The following BANK1 variants were observed in gnomAD, a reference collection of about 807,000 sequenced individuals.
The protein encoded by BANK1 is B-cell scaffold protein with ankyrin repeats.
In BANK1, 95 loss-of-function variants were observed where a neutral mutation model predicts 94.5. That is an observed-to-expected ratio of 1.00 (90% CI 0.85 to 1.19). BANK1 has a LOEUF of 1.19. Ranked by LOEUF, BANK1 falls within the 50% of genes most tolerant of loss-of-function variation. BANK1 has a pLI of 0.00. For synonymous variants in BANK1, 334 were observed against 308.4 expected, an observed-to-expected ratio of 1.08 and a Z score of -0.87; for missense variants, 987 against 932.2, an observed-to-expected ratio of 1.06 and a Z score of -0.77.
chr4:101,993,250 C>T (rs1380888770), intron 7 of BANK1, among the ~76,000 whole-genome samples: 3 of 152,118 alleles, frequency 2.0e-5, no homozygotes, highest in East Asian at 1.9e-4. Flanking sequence ...AAACAGGAGG[C>T]CTAAAACAGC....
intron 7 of BANK1, among the ~76,000 whole-genome samples, chr4:101,986,897 G>GTATATATA (rs1377407537): frequency 0.015 from 893 of 57,982 alleles, 46 homozygotes; most frequent in Middle Eastern, 0.02. Context: ...GTGTGTGTGT[G>GTATATATA]TGTATATATA....
chr4:102,032,765 A>G (rs1366867777), intron 10 of BANK1, among the ~76,000 whole-genome samples: 27 of 151,962 alleles, frequency 1.8e-4, no homozygotes, highest in Admixed American at 1.6e-3. Flanking sequence ...GGTACCTGTA[A>G]TGTCAGCTAC....
Position 102,074,168 on chromosome 4 carries a change from C to A in BANK1, c.*169C>A, listed in dbSNP as rs954347037. The A allele has an allele frequency of 6.3e-6, 1 of 159,500 alleles. No individual in the cohort carries two copies. Among genetic ancestry groups the A allele is most frequent in the Non-Finnish European group, 1.4e-5 (1 of 73,130 alleles). The allele number at this position is 159,500 out of a possible 1,614,324, so 9.9% of individuals were successfully genotyped here. On this transcript the variant is annotated 3_prime_UTR_variant, in exon 17 of 17. Transcript: ENST00000322953. ...ATTGGCAAAATTTATTCTCATTATA[C>A]CTGCTTCATATGGGTATATTACTAT... is the stretch of plus-strand genomic sequence containing the variant.
intron 5 of BANK1, among the ~76,000 whole-genome samples, chr4:101,885,105 A>G (rs767109429): frequency 5.9e-5 from 9 of 152,076 alleles, no homozygotes; most frequent in Non-Finnish European, 1.3e-4. Context: ...CTTAATAGAG[A>G]CGGGGTTTCG....
Position 101,968,766 on chromosome 4 carries a change from GA to G in BANK1, c.1206+50581del, listed in dbSNP as rs1414406233. On this transcript the variant is annotated intron_variant, in intron 7 of 16. Transcript: ENST00000322953. ...TCCCTCATGTATCATACAAATGTTA[GA>G]AAATTTCTTATGCAGGAGGTGGAGA... Among the ~76,000 whole-genome samples the G allele has an allele frequency of 2.0e-5, 3 of 152,064 alleles. No individual in the cohort carries two copies. The East Asian group carries it at 5.8e-4, about 29-fold the overall frequency.
intron 2 of BANK1, among the ~76,000 whole-genome samples, chr4:101,851,150 G>A (rs1727460360): frequency 6.6e-6 from 1 of 152,082 alleles, no homozygotes; most frequent in East Asian, 1.9e-4. Context: ...GAGTGCAAAG[G>A]AAAAGTTCTT....
chr4:101,863,811 T>A (rs976381898), intron 4 of BANK1, among the ~76,000 whole-genome samples: 6 of 152,144 alleles, frequency 3.9e-5, no homozygotes, highest in African/African-American at 1.2e-4. Flanking sequence ...ATGAATAAAA[T>A]TTTCTAACTA....
At chr4:102,037,593 A>G (rs143221383) in intron 10 of BANK1, among the ~76,000 whole-genome samples, 19 of 152,336 alleles carry the variant, frequency 1.2e-4, no homozygotes, top group African/African-American at 4.6e-4. Flanking sequence ...CTAACGGACC[A>G]GCAGCATTGT....
intron 7 of BANK1, among the ~76,000 whole-genome samples, chr4:101,929,089 G>A (rs1723257828): frequency 1.3e-5 from 2 of 151,550 alleles, no homozygotes; most frequent in Non-Finnish European, 3.0e-5. Flanking sequence ...TCCAATTTTG[G>A]CTTCTCCTTT....
chr4:101,925,968 C>T (rs753998081), intron 7 of BANK1, among the ~76,000 whole-genome samples: 10 of 151,622 alleles, frequency 6.6e-5, no homozygotes, highest in East Asian at 2.0e-4. Context: ...AATAAACACA[C>T]GGCATTGTCC....
intron 1 of BANK1, among the ~76,000 whole-genome samples, chr4:101,796,270 T>C (rs1257930609): frequency 1.3e-5 from 2 of 152,162 alleles, no homozygotes; most frequent in Admixed American, 6.5e-5. Context: ...TGAAATTGTT[T>C]ATAGTATCCT....
intron 4 of BANK1, among the ~76,000 whole-genome samples, chr4:101,869,577 C>G (rs1365037261): frequency 2.0e-5 from 3 of 151,820 alleles, no homozygotes; most frequent in South Asian, 2.1e-4. Context: ...ATAAGAAGTC[C>G]TTTAACAGCT....
At chr4:102,049,394 G>A (rs1029805479) in intron 11 of BANK1, among the ~76,000 whole-genome samples, 5 of 152,118 alleles carry the variant, frequency 3.3e-5, no homozygotes, top group African/African-American at 1.2e-4. Context: ...TGTACAGAAG[G>A]GCCTTTTCTA....
chr4:101,790,918 C>G lies in BANK1; in HGVS notation c.38C>G (p.Pro13Arg), dbSNP rs1342122250. Residue 13 changes from proline to arginine, a missense_variant, in exon 1 of 17, where the codon CCG (proline) becomes CGG (arginine). Transcript: ENST00000322953. ...PAAPGKGLGSPDPAPCGPAPP... is the reference protein window; with the variant it reads ...PAAPGKGLGSRDPAPCGPAPP... The stretch of plus-strand genomic sequence containing the variant: ...GCGCCAGGCAAGGGGCTTGGGAGCC[C>G]GGACCCCGCCCCCTGCGGCCCAGCG... 1.3e-6 allele frequency: 2 copies of G among 1,535,728 alleles called. No individual in the cohort carries two copies. Among genetic ancestry groups the G allele is most frequent in the South Asian group, 1.2e-5 (1 of 83,792 alleles).
chr4:101,808,304 T>C (rs1373503864), intron 1 of BANK1, among the ~76,000 whole-genome samples: 3 of 152,110 alleles, frequency 2.0e-5, no homozygotes, highest in Non-Finnish European at 2.9e-5. Context: ...TAGAAAAATA[T>C]GTAATATAAA....
rs562533663 is a variant in BANK1 at position 102,062,044 on chromosome 4, C to T, written c.2149-1031C>T. The T allele has an allele frequency of 5.3e-5, 8 of 152,228 alleles. No individual in the cohort carries two copies. The East Asian group carries it at 5.8e-4, about 11-fold the overall frequency. 9.4% of individuals were successfully genotyped at this position (152,228 alleles called of 1,614,324 possible). On this transcript the variant is annotated intron_variant, in intron 12 of 16. Coordinates refer to ENST00000322953, the MANE Select transcript of BANK1 (RefSeq NM_017935.5). ...TCCTCCTGTTTCCTCAACACACACA[C>T]GTGCAAACAAAGATGCATTCCTATG...
intron 7 of BANK1, among the ~76,000 whole-genome samples, chr4:101,924,104 A>G (rs1446694804): frequency 6.6e-6 from 1 of 151,848 alleles, no homozygotes; most frequent in Non-Finnish European, 1.5e-5. Flanking sequence ...ACTAGATTCA[A>G]ATAGAAAAAT....
intron 6 of BANK1, among the ~76,000 whole-genome samples, chr4:101,909,569 A>T (rs1444175528): frequency 1.3e-5 from 2 of 152,194 alleles, no homozygotes; most frequent in East Asian, 3.9e-4. Flanking sequence ...AATGCCTTTA[A>T]GCGGTTTTCT....
chr4:101,988,641 C>T (rs1346961795), intron 7 of BANK1, among the ~76,000 whole-genome samples: 1 of 152,160 alleles, frequency 6.6e-6, no homozygotes, highest in African/African-American at 2.4e-5. Context: ...GTGTTCATCA[C>T]AGTCTCTAAA....
Sources: allele counts gnomAD v4.1 joint callset (sites outside exome capture counted in the v4.1 genomes callset), GRCh38; gene constraint gnomAD v4.1.1; transcripts MANE v1.5; gene names NCBI Gene and HGNC (gene_info 2026-07-23, HGNC 2026-07-21).